EDF1: variants seen among roughly 807,000 people sequenced by gnomAD.
EDF1 encodes endothelial differentiation related factor 1.
A neutral mutation model predicts 20.8 loss-of-function variants in EDF1; 5 were observed. That is an observed-to-expected ratio of 0.24 (90% CI 0.13 to 0.51). The LOEUF (loss-of-function observed/expected upper bound fraction) is 0.51, where lower values mean the gene tolerates loss of function less well. Ranked by LOEUF, EDF1 falls within the 20% of genes least tolerant of loss-of-function variation. The probability of loss-of-function intolerance (pLI) is 0.97; values close to 1 mark genes in which losing one functional copy is unlikely to be tolerated. For synonymous variants in EDF1, 96 were observed against 78.5 expected (o/e 1.22, Z -1.18); for missense variants, 137 against 197.8 (o/e 0.69, Z 1.84).
At position 136,862,885 on chromosome 9, in the gene EDF1, G is replaced by C. The variant is rs181374155; in HGVS notation, c.385+21C>G. 6.2e-7 allele frequency: 1 copy of C among 1,612,792 alleles called. No individual in the cohort carries two copies. The highest frequency in any genetic ancestry group is 1.1e-5 in the South Asian group (1 of 91,026). On this transcript the variant is annotated intron_variant, in intron 4 of 4. Transcript: ENST00000224073. The surrounding 1 kb of genome is among the most constrained non-coding windows in gnomAD (Gnocchi z 4.1). ...AGCCTCCCTGTTCAGCGGACCCGGCGAAGGGTGGAGGGACACTCACCAATG... is the reference window on the plus strand; with the variant it reads ...AGCCTCCCTGTTCAGCGGACCCGGCCAAGGGTGGAGGGACACTCACCAATG...
In EDF1 at chr9:136,863,296, G is replaced by A. The variant is rs969361255; in HGVS notation, c.283C>T (p.Leu95=). The part of the protein sequence containing the change: ...RQSKGLTQKD[L]ATKINEKPQV... ...CCCCGGCGCAGCCTCACCGTGGCCA[G>A]GTCCTTCTGCGTAAGCCCCTTGCTC... Residue 95 remains leucine (L), a synonymous_variant, in exon 3 of 5, where the codon CTG becomes TTG. Transcript: ENST00000224073. The surrounding 1 kb of genome is among the most constrained non-coding windows in gnomAD (Gnocchi z 4.5). 6.2e-7 allele frequency: 1 copy of A among 1,612,852 alleles called. No homozygotes were observed. Among genetic ancestry groups the A allele is most frequent in the African/African-American group, 1.3e-5 (1 of 74,922 alleles).
In EDF1 at chr9:136,862,151, G is replaced by A; in HGVS notation, c.*133C>T. On this transcript the variant is annotated 3_prime_UTR_variant, in exon 5 of 5. Coordinates refer to ENST00000224073, the MANE Select transcript of EDF1 (RefSeq NM_003792.4). This position sits in a 1 kb window ranked among gnomAD's most constrained non-coding sequence, Gnocchi z 4.1. ...CAAGGTTTTGTTTGTTTGACAGCAG[G>A]AATGGGCTGGGGAGGGTCCCCCGCA... 3.5e-6 allele frequency: 4 copies of A among 1,138,458 alleles called. No homozygotes were observed. The Admixed American group carries it at 7.9e-5, about 23-fold the overall frequency. 70.5% of individuals were successfully genotyped at this position (1,138,458 alleles called of 1,614,324 possible). A position where few individuals can be genotyped will look rare whatever the true frequency, so the allele number is the denominator to read the frequency against.
In EDF1 at chr9:136,863,850, G is replaced by A. The variant is rs1473255126; in HGVS notation, c.100C>T (p.Arg34Ter). The A allele has an allele frequency of 4.3e-6, 7 of 1,613,794 alleles. No individual in the cohort carries two copies. The highest frequency in any genetic ancestry group is 1.7e-5 in the Admixed American group (1 of 60,000). ...SKQAILAAQR[R>*]GEDVETSKKW... Reference sequence around the variant, plus strand: ...TTGGAAGTCTCCACATCTTCTCCTCGTCTCTGTGCCGCTAAGATAGCCTAG... The same window carrying A: ...TTGGAAGTCTCCACATCTTCTCCTCATCTCTGTGCCGCTAAGATAGCCTAG... Residue 34 changes from arginine to a stop codon, truncating the protein, a stop_gained, in exon 2 of 5, where the codon CGA (arginine) becomes TGA (stop). Transcript: ENST00000224073. LOFTEE classifies it high-confidence loss of function. The surrounding 1 kb of genome is among the most constrained non-coding windows in gnomAD (Gnocchi z 4.5).
chr9:136,863,543 T>C lies in EDF1; in HGVS notation c.131-95A>G. 1 of 1,469,048 alleles carries C rather than the reference T, an allele frequency of 6.8e-7. No homozygotes were observed. Among genetic ancestry groups the C allele is most frequent in the Non-Finnish European group, 9.1e-7 (1 of 1,096,504 alleles). The allele number at this position is 1,469,048 out of a possible 1,614,324, so 91.0% of individuals were successfully genotyped here. A position where few individuals can be genotyped will look rare whatever the true frequency, so the allele number is the denominator to read the frequency against. ...CGGTAACCAGACCCCAGAGGCTGCC[T>C]GAACTCAAGGGGACATGGGAACCCA... On this transcript the variant is annotated intron_variant, in intron 2 of 4. Coordinates refer to ENST00000224073, the MANE Select transcript of EDF1 (RefSeq NM_003792.4). The surrounding 1 kb of genome is among the most constrained non-coding windows in gnomAD (Gnocchi z 4.5).
Position 136,862,393 on chromosome 9 carries a change from C to A in EDF1, c.386-48G>T. 6.2e-7 allele frequency: 1 copy of A among 1,613,918 alleles called. No individual in the cohort carries two copies. The highest frequency in any genetic ancestry group is 8.5e-7 in the Non-Finnish European group (1 of 1,179,974). On this transcript the variant is annotated intron_variant, in intron 4 of 4. Transcript: ENST00000224073. The surrounding 1 kb of genome is among the most constrained non-coding windows in gnomAD (Gnocchi z 4.1). ...GCCACTGCAGCACCAGCTCCCTCCT[C>A]CCCCCAACGCTGCCCCTCTTCAACA...
Position 136,863,758 on chromosome 9 carries a change from C to A in EDF1, c.130+62G>T, listed in dbSNP as rs2131247979. On this transcript the variant is annotated intron_variant, in intron 2 of 4. Transcript: ENST00000224073. This position sits in a 1 kb window ranked among gnomAD's most constrained non-coding sequence, Gnocchi z 4.5. ...CCCCGGGGGCGCCGCACACACCACA[C>A]CCACCAGCACATGGACCCCACAGCA... 6.3e-7 allele frequency: 1 copy of A among 1,599,072 alleles called. No homozygotes were observed. The highest frequency in any genetic ancestry group is 1.3e-5 in the African/African-American group (1 of 74,678).
In EDF1 at chr9:136,863,730, C is replaced by T. The variant is rs1424890964; in HGVS notation, c.130+90G>A. On this transcript the variant is annotated intron_variant, in intron 2 of 4. Coordinates refer to ENST00000224073, the MANE Select transcript of EDF1 (RefSeq NM_003792.4). The surrounding 1 kb of genome is among the most constrained non-coding windows in gnomAD (Gnocchi z 4.5). ...GTGCAGGCAGGCACTCAGCTGACAA[C>T]GTCCCCGGGGGCGCCGCACACACCA... The T allele has an allele frequency of 1.2e-5, 18 of 1,508,984 alleles. No homozygotes were observed. Among genetic ancestry groups the T allele is most frequent in the African/African-American group, 6.9e-5 (5 of 72,756 alleles). The allele number at this position is 1,508,984 out of a possible 1,614,324, so 93.5% of individuals were successfully genotyped here.
At chr9:136,865,587 C>T (rs1456399316) in intron 1 of EDF1, among the ~76,000 whole-genome samples, 4 of 151,576 alleles carry the variant, frequency 2.6e-5, no homozygotes, top group Non-Finnish European at 5.9e-5. Flanking sequence ...CAATTCCCCA[C>T]CTTCATCGCT....
rs578131761 is a variant in EDF1 at position 136,862,124 on chromosome 9, T to G, written c.*160A>C. ...AAACAGCCAGCAGAACCCAGCGCTT[T>G]GCAAGGTTTTGTTTGTTTGACAGCA... On this transcript the variant is annotated 3_prime_UTR_variant, in exon 5 of 5. Coordinates refer to ENST00000224073, the MANE Select transcript of EDF1 (RefSeq NM_003792.4). The surrounding 1 kb of genome is among the most constrained non-coding windows in gnomAD (Gnocchi z 4.1). The G allele has an allele frequency of 1.1e-6, 1 of 915,564 alleles. No homozygotes were observed. Among genetic ancestry groups the G allele is most frequent in the East Asian group, 2.4e-5 (1 of 41,382 alleles). The allele number at this position is 915,564 out of a possible 1,614,324, so 56.7% of individuals were successfully genotyped here.
At chr9:136,866,040 C>T (rs1232143443) in intron 1 of EDF1, 141 bp downstream of exon 1, 19 of 790,874 alleles carry the variant, frequency 2.4e-5, no homozygotes, top group Non-Finnish European at 3.1e-5. Context: ...GTCCTGCCCC[C>T]GGCACCCCAG....
In EDF1 at chr9:136,863,500, A is replaced by G; in HGVS notation, c.131-52T>C. 1.3e-6 allele frequency: 2 copies of G among 1,582,892 alleles called. No homozygotes were observed. The highest frequency in any genetic ancestry group is 8.6e-7 in the Non-Finnish European group (1 of 1,160,946). On this transcript the variant is annotated intron_variant, in intron 2 of 4. Transcript: ENST00000224073. The surrounding 1 kb of genome is among the most constrained non-coding windows in gnomAD (Gnocchi z 4.5). ...AGGAGAGGATTTGGAATTAACCTGA[A>G]GAAAAACCATTTCAAAGCGGTAACC... is the stretch of plus-strand genomic sequence containing the variant.
Position 136,863,106 on chromosome 9 carries a change from C to G in EDF1, c.292-107G>C. 6.5e-7 allele frequency: 1 copy of G among 1,527,094 alleles called. No homozygotes were observed. Among genetic ancestry groups the G allele is most frequent in the African/African-American group, 1.4e-5 (1 of 73,186 alleles). 94.6% of individuals were successfully genotyped at this position (1,527,094 alleles called of 1,614,324 possible). On this transcript the variant is annotated intron_variant, in intron 3 of 4. Coordinates refer to ENST00000224073, the MANE Select transcript of EDF1 (RefSeq NM_003792.4). This position sits in a 1 kb window ranked among gnomAD's most constrained non-coding sequence, Gnocchi z 4.5. ...CAGCTTCTAGGGCCCCTGGGGTACGCACCCACACGCAGCTGGGTTTTGTGC... is the reference window on the plus strand; with the variant it reads ...CAGCTTCTAGGGCCCCTGGGGTACGGACCCACACGCAGCTGGGTTTTGTGC...
At chr9:136,866,129 C>T in intron 1 of EDF1, 52 bp downstream of exon 1, 1 of 1,549,472 alleles carries the variant, frequency 6.5e-7, no homozygotes. Context: ...TCCGTGGCCC[C>T]GGCCCAGCGT....
Position 136,863,792 on chromosome 9 carries a change from TGTTGCAAGCGGAAACACAA to T in EDF1, c.130+9_130+27del. On this transcript the variant is annotated intron_variant, in intron 2 of 4. Coordinates refer to ENST00000224073, the MANE Select transcript of EDF1 (RefSeq NM_003792.4). The surrounding 1 kb of genome is among the most constrained non-coding windows in gnomAD (Gnocchi z 4.5). Reference sequence around the variant, plus strand: ...ACATGGACCCCACAGCACAGCCTCATGTTGCAAGCGGAAACACAAGTACCTACATTTCTTGGAAGTCTCC... The same window carrying T: ...ACATGGACCCCACAGCACAGCCTCATGTACCTACATTTCTTGGAAGTCTCC... The T allele has an allele frequency of 1.2e-6, 2 of 1,613,630 alleles. No homozygotes were observed. The highest frequency in any genetic ancestry group is 1.7e-6 in the Non-Finnish European group (2 of 1,179,788).
Position 136,862,261 on chromosome 9 carries a change from G to A in EDF1, c.*23C>T, listed in dbSNP as rs183575179. On this transcript the variant is annotated 3_prime_UTR_variant, in exon 5 of 5. Transcript: ENST00000224073. The surrounding 1 kb of genome is among the most constrained non-coding windows in gnomAD (Gnocchi z 4.1). Reference sequence around the variant, plus strand: ...CCGGCGGAACGAGATCAGCTGGAGCGCACTGATTTCGAGGCTTTGTGTTCA... The same window carrying A: ...CCGGCGGAACGAGATCAGCTGGAGCACACTGATTTCGAGGCTTTGTGTTCA... The A allele has an allele frequency of 6.2e-6, 10 of 1,613,522 alleles. No individual in the cohort carries two copies. Among genetic ancestry groups the A allele is most frequent in the East Asian group, 2.2e-5 (1 of 44,876 alleles).
In EDF1 at chr9:136,862,519, T is replaced by A; in HGVS notation, c.386-174A>T. 1 of 1,608,956 alleles carries A rather than the reference T, an allele frequency of 6.2e-7. No homozygotes were observed. Among genetic ancestry groups the A allele is most frequent in the South Asian group, 1.1e-5 (1 of 90,996 alleles). ...CATCTAATTTTGAAGAGGATGAGTC[T>A]GATCACCTTAGACAGCAGAGCATGA... On this transcript the variant is annotated intron_variant, in intron 4 of 4. Transcript: ENST00000224073. The surrounding 1 kb of genome is among the most constrained non-coding windows in gnomAD (Gnocchi z 4.1).
At position 136,863,801 on chromosome 9, in the gene EDF1, C is replaced by T. The variant is rs1304440492; in HGVS notation, c.130+19G>A. 6 of 1,613,606 alleles carry T rather than the reference C, an allele frequency of 3.7e-6. No individual in the cohort carries two copies. Among genetic ancestry groups the T allele is most frequent in the East Asian group, 2.2e-5 (1 of 44,890 alleles). ...CCACAGCACAGCCTCATGTTGCAAG[C>T]GGAAACACAAGTACCTACATTTCTT... is the stretch of plus-strand genomic sequence containing the variant. On this transcript the variant is annotated intron_variant, in intron 2 of 4. Transcript: ENST00000224073. This position sits in a 1 kb window ranked among gnomAD's most constrained non-coding sequence, Gnocchi z 4.5.
chr9:136,863,025 C>T lies in EDF1; in HGVS notation c.292-26G>A, dbSNP rs374764857. 15 of 1,612,814 alleles carry T rather than the reference C, an allele frequency of 9.3e-6. No individual in the cohort carries two copies. The African/African-American group carries it at 1.6e-4, about 17-fold the overall frequency. On this transcript the variant is annotated intron_variant, in intron 3 of 4. Coordinates refer to ENST00000224073, the MANE Select transcript of EDF1 (RefSeq NM_003792.4). This position sits in a 1 kb window ranked among gnomAD's most constrained non-coding sequence, Gnocchi z 4.5. ...CTAAAGAGAAGATGTGCTTTATACA[C>T]ATCAGCTCCACTAGGACTGCTGCAA...
rs931635400 is a variant in EDF1 at position 136,863,849 on chromosome 9, C to T, written c.101G>A (p.Arg34Gln). The change falls in exon 2 of 5, where the codon CGA becomes CAA. Residue 34 changes from arginine (R) to glutamine (Q), a missense_variant. Arg to Gln is a conservative substitution (Grantham distance 43, BLOSUM62 1). Transcript: ENST00000224073. This position sits in a 1 kb window ranked among gnomAD's most constrained non-coding sequence, Gnocchi z 4.5. The part of the protein sequence containing the change: ...SKQAILAAQR[R>Q]GEDVETSKKW... ...CTTGGAAGTCTCCACATCTTCTCCT[C>T]GTCTCTGTGCCGCTAAGATAGCCTA... 2 of 1,613,982 alleles carry T rather than the reference C, an allele frequency of 1.2e-6. No individual in the cohort carries two copies. Among genetic ancestry groups the T allele is most frequent in the Non-Finnish European group, 8.5e-7 (1 of 1,180,000 alleles).
Sources: allele counts gnomAD v4.1 joint callset (sites outside exome capture counted in the v4.1 genomes callset), GRCh38; gene constraint gnomAD v4.1.1; non-coding constraint Gnocchi (gnomAD v3.1); transcripts MANE v1.5; gene names NCBI Gene and HGNC (gene_info 2026-07-23, HGNC 2026-07-21).